TNKS: variants seen among roughly 807,000 people sequenced by gnomAD.
TNKS encodes the protein poly [ADP-ribose] polymerase tankyrase-1.
A neutral mutation model predicts 135.8 loss-of-function variants in TNKS; 72 were observed. That is an observed-to-expected ratio of 0.53 (90% CI 0.44 to 0.64). TNKS has a LOEUF of 0.64. Ranked by LOEUF, TNKS falls within the 30% of genes least tolerant of loss-of-function variation. The pLI, the probability that TNKS is intolerant of heterozygous loss-of-function variation, is 0.00. For synonymous variants in TNKS, 849 were observed against 649.3 expected (o/e 1.31, Z -4.68); for missense variants, 1,769 against 1,674.0 (o/e 1.06, Z -0.99).
Position 9,717,103 on chromosome 8 carries a change from T to TATATATATATATATATA in TNKS, c.1750-3271_1750-3270insATATATATATATATATA, listed in dbSNP as rs1554476739. 5.6e-3 allele frequency among the ~76,000 whole-genome samples: 221 copies of TATATATATATATATATA among 39,168 alleles called. 8 individuals are homozygous for TATATATATATATATATA. Among genetic ancestry groups the TATATATATATATATATA allele is most frequent in the East Asian group, 0.012 (16 of 1,356 alleles). The allele number at this position is 39,168 out of a possible 152,430, so 25.7% of individuals were successfully genotyped here. On this transcript the variant is annotated intron_variant, in intron 11 of 26. Coordinates refer to ENST00000310430, the MANE Select transcript of TNKS (RefSeq NM_003747.3). ...TATATATATATATATATATATATAT[T>TATATATATATATATATA]TTCAGGGAATTTGATTGTTTCTTTT...
In TNKS at chr8:9,714,915, A is replaced by C. The variant is rs554743854; in HGVS notation, c.1749+4695A>C. On this transcript the variant is annotated intron_variant, in intron 11 of 26. Coordinates refer to ENST00000310430, the MANE Select transcript of TNKS (RefSeq NM_003747.3). The stretch of plus-strand genomic sequence containing the variant: ...TATAAAAGAGTTTAAGATTAGAAAG[A>C]TCTACTGAGAATTCACATAGTGATT... Among the ~76,000 whole-genome samples the C allele has an allele frequency of 2.6e-5, 4 of 152,336 alleles. No individual in the cohort carries two copies. The South Asian group carries it at 8.3e-4, about 32-fold the overall frequency.
chr8:9,679,109 TTGATA>T (rs1318698913), intron 3 of TNKS, among the ~76,000 whole-genome samples: 1 of 152,184 alleles, frequency 6.6e-6, no homozygotes, highest in Non-Finnish European at 1.5e-5. Flanking sequence ...TTTTCATCAT[TTGATA>T]TATTTTTAAA....
At chr8:9,689,895 C>G (rs906305713) in intron 5 of TNKS, among the ~76,000 whole-genome samples, 2 of 152,146 alleles carry the variant, frequency 1.3e-5, no homozygotes, top group African/African-American at 4.8e-5. Context: ...GTGGTTTCTT[C>G]TTTCCAGAAG....
intron 3 of TNKS, among the ~76,000 whole-genome samples, chr8:9,649,344 C>T (rs1234429366): frequency 5.3e-5 from 8 of 151,942 alleles, no homozygotes; most frequent in African/African-American, 7.3e-5. Flanking sequence ...TTATACATGG[C>T]GAATAAGATG....
chr8:9,644,038 G>A (rs1158840678), intron 3 of TNKS, among the ~76,000 whole-genome samples: 2 of 152,158 alleles, frequency 1.3e-5, no homozygotes, highest in Non-Finnish European at 2.9e-5. Flanking sequence ...CAGATAATGT[G>A]GATTCCACTT....
intron 12 of TNKS, among the ~76,000 whole-genome samples, chr8:9,723,155 T>TTG (rs1804982344): frequency 7.8e-5 from 1 of 12,896 alleles, no homozygotes; most frequent in East Asian, 2.4e-3. Context: ...CTCCAAAAGG[T>TTG]TTTTTTTTTT....
intron 26 of TNKS, among the ~76,000 whole-genome samples, chr8:9,773,787 T>G (rs1190427030): frequency 1.3e-5 from 2 of 152,192 alleles, no homozygotes; most frequent in African/African-American, 4.8e-5. Flanking sequence ...GGGAGGATAA[T>G]TGCTCTTCCA....
At position 9,764,115 on chromosome 8, in the gene TNKS, A is replaced by G. The variant is rs148696035; in HGVS notation, c.3373-601A>G. On this transcript the variant is annotated intron_variant, in intron 22 of 26. Coordinates refer to ENST00000310430, the MANE Select transcript of TNKS (RefSeq NM_003747.3). Reference sequence around the variant, plus strand: ...CTCTTCACAAGTGGAGCAGTAAGGAAGAGAATTCATTTTTTTTATTGAGTT... The same window carrying G: ...CTCTTCACAAGTGGAGCAGTAAGGAGGAGAATTCATTTTTTTTATTGAGTT... Among the ~76,000 whole-genome samples the G allele has an allele frequency of 4.7e-4, 72 of 152,272 alleles. 1 individual carries two copies. Among genetic ancestry groups the G allele is most frequent in the Non-Finnish European group, 3.4e-4 (23 of 68,018 alleles).
At chr8:9,623,647 T>G (rs1019292880) in intron 3 of TNKS, among the ~76,000 whole-genome samples, 4 of 152,126 alleles carry the variant, frequency 2.6e-5, no homozygotes, top group African/African-American at 9.7e-5. Context: ...TTGTAAAAAA[T>G]GTATATCTGC....
chr8:9,745,616 G>A (rs1156694659), intron 17 of TNKS, among the ~76,000 whole-genome samples: 3 of 152,088 alleles, frequency 2.0e-5, no homozygotes, highest in African/African-American at 7.2e-5. Flanking sequence ...TGTTGGCCAG[G>A]ATGGTCTCAA....
At chr8:9,626,411 G>A (rs10903315) in intron 3 of TNKS, among the ~76,000 whole-genome samples, 107,569 of 152,066 alleles carry the variant, frequency 0.71, 38,422 homozygotes, top group Middle Eastern at 0.8. Context: ...AATTCCTCAC[G>A]TCTAGAACTG....
At position 9,556,023 on chromosome 8, in the gene TNKS, G is replaced by T; in HGVS notation, c.84G>T (p.Pro28=). Residue 28 remains proline (P), a synonymous_variant, in exon 1 of 27, where the codon CCG becomes CCT. Coordinates refer to ENST00000310430, the MANE Select transcript of TNKS (RefSeq NM_003747.3). The part of the protein sequence containing the change: ...LQPAPGASAP[P]PPPPPPLSPG... ...CCGCCCCAGGGGCTTCAGCGCCGCC[G>T]CCGCCACCTCCTCCCCCACTCAGCC... 1 of 1,612,336 alleles carries T rather than the reference G, an allele frequency of 6.2e-7. No individual in the cohort carries two copies. The highest frequency in any genetic ancestry group is 8.5e-7 in the Non-Finnish European group (1 of 1,179,654).
intron 5 of TNKS, among the ~76,000 whole-genome samples, chr8:9,686,282 A>G (rs957550730): frequency 6.6e-6 from 1 of 152,192 alleles, no homozygotes; most frequent in Non-Finnish European, 1.5e-5. Flanking sequence ...CCCCTAGCCA[A>G]CAGACCCACC....
intron 3 of TNKS, among the ~76,000 whole-genome samples, chr8:9,674,744 C>T (rs1802464061): frequency 6.6e-6 from 1 of 152,128 alleles, no homozygotes; most frequent in African/African-American, 2.4e-5. Context: ...GTGATGTTAG[C>T]TAGTTTAAAA....
chr8:9,740,960 C>A (rs1394250171), intron 17 of TNKS: 5 of 151,748 alleles, frequency 3.3e-5, no homozygotes, highest in African/African-American at 1.2e-4. Context: ...CAGGCGCCTG[C>A]CACCACGCCC....
Position 9,667,843 on chromosome 8 carries a change from T to G in TNKS, c.995-12108T>G, listed in dbSNP as rs868611695. ...TTCTCATTTAAGCCCTTCTGGGTTTTTTTTTTTTTTTTTGAGTCTCATTCA... is the reference window on the plus strand; with the variant it reads ...TTCTCATTTAAGCCCTTCTGGGTTTGTTTTTTTTTTTTTGAGTCTCATTCA... On this transcript the variant is annotated intron_variant, in intron 3 of 26. Coordinates refer to ENST00000310430, the MANE Select transcript of TNKS (RefSeq NM_003747.3). 6.5e-3 allele frequency among the ~76,000 whole-genome samples: 990 copies of G among 151,766 alleles called. 5 individuals are homozygous for G. Among genetic ancestry groups the G allele is most frequent in the Middle Eastern group, 0.014 (4 of 294 alleles).
chr8:9,719,721 C>G (rs558691685), intron 11 of TNKS, among the ~76,000 whole-genome samples: 1 of 152,244 alleles, frequency 6.6e-6, no homozygotes, highest in South Asian at 2.1e-4. Context: ...TAAGATGAGT[C>G]AGGTTTGACC....
At chr8:9,590,848 C>G (rs540304031) in intron 2 of TNKS, among the ~76,000 whole-genome samples, 2 of 152,164 alleles carry the variant, frequency 1.3e-5, no homozygotes, top group Non-Finnish European at 2.9e-5. Context: ...TTTGTGTTGT[C>G]TTTTCATTTT....
chr8:9,682,757 A>T (rs2128798221), intron 5 of TNKS, among the ~76,000 whole-genome samples: 1 of 152,104 alleles, frequency 6.6e-6, no homozygotes, highest in Non-Finnish European at 1.5e-5. Flanking sequence ...CATTTAGAAA[A>T]TTAAATCAGA....
Sources: gnomAD v4.1 joint callset for allele counts (sites outside exome capture counted in the v4.1 genomes callset) on GRCh38, gnomAD v4.1.1 for gene constraint, MANE v1.5 for transcripts, NCBI Gene and HGNC (gene_info 2026-07-23, HGNC 2026-07-21) for gene names.